SOBP: variants seen among roughly 807,000 people sequenced by gnomAD.
The protein encoded by SOBP is sine oculis-binding protein homolog.
Under a neutral mutation model 53.6 loss-of-function variants are expected in SOBP, and 4 were observed. That is an observed-to-expected ratio of 0.07 (90% CI 0.04 to 0.17). SOBP has a LOEUF of 0.17. SOBP is among the 10% of genes least tolerant of loss of function. The pLI is 1.00. For synonymous variants in SOBP, 584 were observed against 522.6 expected, an observed-to-expected ratio of 1.12 and a Z score of -1.60; for missense variants, 1,088 against 1,204.7, an observed-to-expected ratio of 0.90 and a Z score of 1.43.
At chr6:107,639,028 G>A (rs548851754) in intron 6 of SOBP, among the ~76,000 whole-genome samples, 4 of 152,022 alleles carry the variant, frequency 2.6e-5, no homozygotes, top group Non-Finnish European at 5.9e-5. Context: ...TCAGCCTCCT[G>A]AGCAGCTGGG....
At chr6:107,628,369 T>G (rs1770554970) in intron 5 of SOBP, among the ~76,000 whole-genome samples, 1 of 152,082 alleles carries the variant, frequency 6.6e-6, no homozygotes, top group Non-Finnish European at 1.5e-5. Flanking sequence ...CAGAGCCTCC[T>G]AGGGAGCAAG....
At position 107,577,111 on chromosome 6, in the gene SOBP, C is replaced by T. The variant is rs1024438558; in HGVS notation, c.574-9969C>T. 9.2e-5 allele frequency among the ~76,000 whole-genome samples: 14 copies of T among 152,316 alleles called. No individual in the cohort carries two copies. In the South Asian group the frequency reaches 1.9e-3, roughly 20 times the overall value. On this transcript the variant is annotated intron_variant, in intron 4 of 6. Coordinates refer to ENST00000317357, the MANE Select transcript of SOBP (RefSeq NM_018013.4). Reference sequence around the variant, plus strand: ...GTGCACTGATTCATCTGCATCCTTTCGCATGTTTTCTGGTGTCTGTCTCCC... The same window carrying T: ...GTGCACTGATTCATCTGCATCCTTTTGCATGTTTTCTGGTGTCTGTCTCCC...
chr6:107,555,991 G>A (rs1180199742), intron 4 of SOBP, among the ~76,000 whole-genome samples: 6 of 152,206 alleles, frequency 3.9e-5, no homozygotes, highest in Admixed American at 3.9e-4. Flanking sequence ...TATGTTAGGG[G>A]TAAGAGGATT....
At chr6:107,504,567 A>T (rs868587265) in intron 2 of SOBP, among the ~76,000 whole-genome samples, 1 of 152,242 alleles carries the variant, frequency 6.6e-6, no homozygotes, top group East Asian at 1.9e-4. Context: ...GAAGCAGCCC[A>T]TTCAGGAAAC....
At chr6:107,626,431 C>A (rs1476104677) in intron 5 of SOBP, among the ~76,000 whole-genome samples, 1 of 152,180 alleles carries the variant, frequency 6.6e-6, no homozygotes, top group Non-Finnish European at 1.5e-5. Context: ...AAAAGTGTTA[C>A]AAATAGAAGA....
intron 3 of SOBP, chr6:107,511,451 C>G (rs567957251): frequency 6.6e-6 from 1 of 152,200 alleles, no homozygotes; most frequent in Admixed American, 6.5e-5. Context: ...TTTTACAGTT[C>G]TTGCCGTCAT....
chr6:107,556,724 G>A (rs114523542), intron 4 of SOBP, among the ~76,000 whole-genome samples: 2,286 of 152,278 alleles, frequency 0.015, 48 homozygotes, highest in African/African-American at 0.053. Context: ...GAGGTAGAAC[G>A]GAAACCATCA....
chr6:107,541,396 T>G (rs1230009912), intron 4 of SOBP, among the ~76,000 whole-genome samples: 1 of 152,206 alleles, frequency 6.6e-6, no homozygotes, highest in African/African-American at 2.4e-5. Context: ...GTGCCTTGAC[T>G]TTGAAATGAT....
intron 4 of SOBP, among the ~76,000 whole-genome samples, chr6:107,578,597 C>T (rs186644161): frequency 1.1e-4 from 16 of 152,308 alleles, no homozygotes; most frequent in Non-Finnish European, 2.4e-4. Context: ...GTACCTACTT[C>T]ATAAGTCATT....
chr6:107,502,207 G>A lies in SOBP; in HGVS notation c.97-1450G>A, dbSNP rs369902072. On this transcript the variant is annotated intron_variant, in intron 1 of 6. Transcript: ENST00000317357. Reference sequence around the variant, plus strand: ...AACACGGAACTCACACGTTGAGATTGTGCACACTCTGGCTTAGCCTTGGTG... The same window carrying A: ...AACACGGAACTCACACGTTGAGATTATGCACACTCTGGCTTAGCCTTGGTG... 2.6e-5 allele frequency among the ~76,000 whole-genome samples: 4 copies of A among 152,276 alleles called. No individual in the cohort carries two copies. In the East Asian group the frequency reaches 7.7e-4, roughly 29 times the overall value.
intron 5 of SOBP, 22 bp downstream of exon 5, chr6:107,587,197 C>A (rs778967088): frequency 8.9e-6 from 14 of 1,572,210 alleles, no homozygotes; most frequent in Non-Finnish European, 1.1e-5. Flanking sequence ...ATACTTACAA[C>A]AAGTCTAGAA....
intron 4 of SOBP, among the ~76,000 whole-genome samples, chr6:107,570,338 A>G (rs1214671793): frequency 6.6e-6 from 1 of 152,244 alleles, no homozygotes; most frequent in Non-Finnish European, 1.5e-5. Context: ...CACCTCTTTG[A>G]ATCTATCTTA....
At chr6:107,505,000 G>A (rs1334525564) in intron 2 of SOBP, among the ~76,000 whole-genome samples, 1 of 152,146 alleles carries the variant, frequency 6.6e-6, no homozygotes, top group Non-Finnish European at 1.5e-5. Flanking sequence ...CATGGTTGAG[G>A]TTTTTGTTCA....
rs1333288666 is a variant in SOBP at position 107,634,312 on chromosome 6, T to A, written c.1468T>A (p.Phe490Ile). The A allele has an allele frequency of 1.3e-6, 2 of 1,571,548 alleles. No individual in the cohort carries two copies. Among genetic ancestry groups the A allele is most frequent in the Non-Finnish European group, 8.6e-7 (1 of 1,166,658 alleles). ...PPGAPLPSLP[F>I]PPVSMMPNGP... ...GGGCGCCCCGCTGCCGAGTCTTCCC[T>A]TCCCGCCAGTGAGCATGATGCCAAA... Residue 490 changes from phenylalanine to isoleucine, a missense_variant, in exon 6 of 7, where the codon TTC becomes ATC. Physicochemically the swap from Phe to Ile is conservative, Grantham distance 21. Around this residue, in one of 6 missense-constraint regions of SOBP, gnomAD observed 665 missense variants for 629.7 expected, o/e 1.06. Coordinates refer to ENST00000317357, the MANE Select transcript of SOBP (RefSeq NM_018013.4). This position sits in a 1 kb window ranked among gnomAD's most constrained non-coding sequence, Gnocchi z 4.5.
chr6:107,621,544 A>C (rs568362225), intron 5 of SOBP, among the ~76,000 whole-genome samples: 50 of 152,352 alleles, frequency 3.3e-4, no homozygotes, highest in Admixed American at 2.7e-3. Flanking sequence ...GCCACTAAGC[A>C]GTCACTCTCA....
chr6:107,596,302 A>C (rs920437076), intron 5 of SOBP, among the ~76,000 whole-genome samples: 1 of 152,324 alleles, frequency 6.6e-6, no homozygotes. Flanking sequence ...TATTAAAATA[A>C]AGGCATTGTA....
At chr6:107,588,355 T>C (rs1055727561) in intron 5 of SOBP, among the ~76,000 whole-genome samples, 1 of 152,220 alleles carries the variant, frequency 6.6e-6, no homozygotes, top group Non-Finnish European at 1.5e-5. Context: ...TTACACTACT[T>C]ATTCTGTGTG....
At chr6:107,636,959 GCTGT>G (rs1220088230) in intron 6 of SOBP, among the ~76,000 whole-genome samples, 2 of 152,130 alleles carry the variant, frequency 1.3e-5, no homozygotes, top group African/African-American at 4.8e-5. Flanking sequence ...GCAAATCCAG[GCTGT>G]CTGACTCCAG....
chr6:107,540,700 A>G (rs967310553), intron 4 of SOBP, among the ~76,000 whole-genome samples: 1 of 152,246 alleles, frequency 6.6e-6, no homozygotes, highest in Non-Finnish European at 1.5e-5. Context: ...AAACTCCTGT[A>G]GTCTTTAACA....
Sources: allele counts gnomAD v4.1 joint callset (sites outside exome capture counted in the v4.1 genomes callset), GRCh38; gene constraint gnomAD v4.1.1; regional missense constraint gnomAD v4.1.1; non-coding constraint Gnocchi (gnomAD v3.1); transcripts MANE v1.5; gene names NCBI Gene and HGNC (gene_info 2026-07-23, HGNC 2026-07-21).